NBPF8: variants seen among roughly 807,000 people sequenced by gnomAD.
NBPF8 encodes the protein NBPF family member NBPF8.
chr1:120,468,486 A>AGAT (rs1263899129), downstream of NBPF8, among the ~76,000 whole-genome samples: 1 of 139,226 alleles, frequency 7.2e-6, no homozygotes, highest in African/African-American at 2.8e-5. Context: ...AGTTTTTAGG[A>AGAT]GATATTGTCC....
upstream of NBPF8, among the ~76,000 whole-genome samples, chr1:120,434,553 G>C (rs1661018898): frequency 6.6e-6 from 1 of 150,488 alleles, no homozygotes; most frequent in African/African-American, 2.4e-5. Context: ...TCCCCGTCCT[G>C]TGTCCAAGTG....
At chr1:120,456,529 G>T (rs1377769881) in intron 16 of NBPF8, among the ~76,000 whole-genome samples, 1 of 104,214 alleles carries the variant, frequency 9.6e-6, no homozygotes, top group East Asian at 2.0e-4. Context: ...TGGCCTTCTT[G>T]TCTCTTTTGA....
At chr1:120,419,374 C>T (rs1241071444), upstream of NBPF8, among the ~76,000 whole-genome samples, 3 of 152,136 alleles carry the variant, frequency 2.0e-5, no homozygotes, top group African/African-American at 7.2e-5. Context: ...TTAACTACAC[C>T]CACACACTCT....
At chr1:120,459,793 G>T (rs1226551436) in intron 17 of NBPF8, among the ~76,000 whole-genome samples, 12 of 152,328 alleles carry the variant, frequency 7.9e-5, no homozygotes, top group Admixed American at 3.9e-4. Context: ...CTCAAGGCAG[G>T]TGTGGCAAAC....
At chr1:120,456,977 A>C (rs1661456197) in intron 16 of NBPF8, among the ~76,000 whole-genome samples, 2 of 149,630 alleles carry the variant, frequency 1.3e-5, no homozygotes, top group African/African-American at 4.9e-5. Flanking sequence ...AAAATCTCTC[A>C]GCATTTGCTT....
At position 120,464,133 on chromosome 1, in the gene NBPF8, C is replaced by CTGTG. The variant is rs1169651864; in HGVS notation, n.3287-201_3287-198dup. Reference sequence around the variant, plus strand: ...GAGCTCGTTCTCTCTCTCTCTCTCTCTGTGTGTGTGTGTGTGTGTGTGTGT... The same window carrying CTGTG: ...GAGCTCGTTCTCTCTCTCTCTCTCTCTGTGTGTGTGTGTGTGTGTGTGTGTGTGT... On this transcript the variant is annotated intron_variant and non_coding_transcript_variant, in intron 22 of 24. Coordinates refer to ENST00000583271, the Ensembl canonical transcript of NBPF8. Among the ~76,000 whole-genome samples, 174 of 38,920 alleles carry CTGTG rather than the reference C, an allele frequency of 4.5e-3. 1 individual carries two copies. Among genetic ancestry groups the CTGTG allele is most frequent in the Non-Finnish European group, 5.3e-3 (124 of 23,564 alleles). 25.5% of individuals were successfully genotyped at this position (38,920 alleles called of 152,430 possible).
At chr1:120,461,016 C>CTGTGTGTGTGTGTG (rs202089337) in intron 18 of NBPF8, among the ~76,000 whole-genome samples, 3 of 131,206 alleles carry the variant, frequency 2.3e-5, no homozygotes, top group Non-Finnish European at 3.3e-5. Flanking sequence ...TGAGCTCGAA[C>CTGTGTGTGTGTGTG]TGTGTGTGTG....
chr1:120,433,083 T>C (rs1358420974), upstream of NBPF8: 3 of 152,316 alleles, frequency 2.0e-5, no homozygotes, highest in Non-Finnish European at 2.9e-5. Context: ...GAAGGCTAAA[T>C]AAATATATAT....
Position 120,427,851 on chromosome 1 carries a change from C to A in NBPF8, n.510+4C>A, listed in dbSNP as rs1286744123. On this transcript the variant is annotated splice_donor_region_variant and intron_variant and non_coding_transcript_variant, in intron 3 of 28. Coordinates refer to the NBPF8 transcript ENST00000652355. ...AAATGTGAGCCTATGGATCAAGGTG[C>A]GTACTCAAACACAGAGAGCTTTCTG... Among the ~76,000 whole-genome samples, 8 of 147,308 alleles carry A rather than the reference C, an allele frequency of 5.4e-5. No individual in the cohort carries two copies. The East Asian group carries it at 6.0e-4, about 11-fold the overall frequency.
At chr1:120,428,148 G>A (rs1284601030) in intron 3 of NBPF8, among the ~76,000 whole-genome samples, 51 of 151,786 alleles carry the variant, frequency 3.4e-4, no homozygotes, top group Non-Finnish European at 6.3e-4. Context: ...CAAATTTGTT[G>A]TCTGTCCCCT....
chr1:120,419,660 C>A (rs1459440765), upstream of NBPF8, among the ~76,000 whole-genome samples: 1 of 146,366 alleles, frequency 6.8e-6, no homozygotes, highest in African/African-American at 2.5e-5. Context: ...TGGGGTCTTA[C>A]TATGTTGCCG....
chr1:120,460,317 G>A (rs1332450403), intron 17 of NBPF8, among the ~76,000 whole-genome samples: 1 of 152,150 alleles, frequency 6.6e-6, no homozygotes, highest in Non-Finnish European at 1.5e-5. Flanking sequence ...TTGCTCATTT[G>A]TGTACATAAA....
chr1:120,418,837 C>T (rs1660495893), upstream of NBPF8, among the ~76,000 whole-genome samples: 1 of 151,184 alleles, frequency 6.6e-6, no homozygotes, highest in Non-Finnish European at 1.5e-5. Context: ...CATAAGCCAT[C>T]ACCGCTGGCC....
downstream of NBPF8, among the ~76,000 whole-genome samples, chr1:120,468,532 T>C (rs1432889595): frequency 6.7e-6 from 1 of 150,320 alleles, no homozygotes; most frequent in African/African-American, 2.5e-5. Context: ...GTTCTCATTG[T>C]GGGATTCGAT....
chr1:120,415,565 C>A (rs74818028), upstream of NBPF8, among the ~76,000 whole-genome samples: 2,588 of 152,256 alleles, frequency 0.017, 70 homozygotes, highest in African/African-American at 0.058. Flanking sequence ...TTCGGGGGCA[C>A]GTCCTCGTGT....
In NBPF8 at chr1:120,421,347, TTTCC is replaced by T. The variant is rs1193735219; in HGVS notation, n.269+1246_269+1249del. Among the ~76,000 whole-genome samples, 27 of 152,072 alleles carry T rather than the reference TTTCC, an allele frequency of 1.8e-4. 1 individual carries two copies. The South Asian group carries it at 2.3e-3, about 13-fold the overall frequency. ...TCTCATCTTCATGTAAGTTTGTTCA[TTTCC>T]TTCCTTCCTTCCTTCCCTACTTCTC... On this transcript the variant is annotated intron_variant and non_coding_transcript_variant, in intron 1 of 28. Transcript: ENST00000652355.
At chr1:120,453,999 C>T (rs1553249350) in exon 15 of NBPF8, 8 of 1,611,904 alleles carry the variant, frequency 5.0e-6, no homozygotes, top group Non-Finnish European at 5.9e-6. Context: ...GCCCTTATGA[C>T]TCCAACCAGC....
At chr1:120,436,316 G>T (rs1479050157), upstream of NBPF8, 5 of 1,515,978 alleles carry the variant, frequency 3.3e-6, no homozygotes, top group South Asian at 5.0e-5. Flanking sequence ...CTGAGTTGAG[G>T]CACCTCGAAC....
intron 19 of NBPF8, among the ~76,000 whole-genome samples, chr1:120,461,929 G>C (rs1260370188): frequency 9.7e-6 from 1 of 103,582 alleles, no homozygotes; most frequent in Non-Finnish European, 1.9e-5. Flanking sequence ...TTGGGACAAC[G>C]ATCTACCAGA....
Sources: allele counts gnomAD v4.1 joint callset (sites outside exome capture counted in the v4.1 genomes callset), GRCh38; gene constraint gnomAD v4.1.1; transcripts MANE v1.5; gene names NCBI Gene and HGNC (gene_info 2026-07-23, HGNC 2026-07-21).